The following SLC9C1 variants were observed in gnomAD, a reference collection of about 807,000 sequenced individuals.
SLC9C1 encodes sodium/hydrogen exchanger 10.
In SLC9C1, 97 loss-of-function variants were observed where a neutral mutation model predicts 140.9. The observed-to-expected ratio is 0.69, with a 90% CI of 0.58 to 0.82. The LOEUF (loss-of-function observed/expected upper bound fraction) is 0.82. Among genes scored for constraint, SLC9C1 ranks in the 40% least tolerant of loss-of-function variants. The pLI is 0.00. For synonymous variants in SLC9C1, 440 were observed against 442.6 expected, an observed-to-expected ratio of 0.99 and a Z score of 0.07; for missense variants, 1,340 against 1,389.3, an observed-to-expected ratio of 0.96 and a Z score of 0.56.
intron 15 of SLC9C1, among the ~76,000 whole-genome samples, chr3:112,210,559 C>T (rs1265138635): frequency 6.6e-6 from 1 of 152,180 alleles, no homozygotes; most frequent in African/African-American, 2.4e-5. Context: ...TGGGGAATGA[C>T]TGCTTAATGA....
intron 1 of SLC9C1, among the ~76,000 whole-genome samples, chr3:112,289,644 C>CTTAG (rs770255532): frequency 5.9e-5 from 9 of 152,188 alleles, no homozygotes; most frequent in Non-Finnish European, 1.2e-4. Context: ...CAGCTGTGAG[C>CTTAG]CTAAGGCCAG....
chr3:112,190,384 C>G (rs571653734), intron 20 of SLC9C1, among the ~76,000 whole-genome samples: 10 of 152,216 alleles, frequency 6.6e-5, no homozygotes, highest in African/African-American at 2.2e-4. Flanking sequence ...TCATAAATAG[C>G]TCTTATTATT....
intron 6 of SLC9C1, among the ~76,000 whole-genome samples, chr3:112,273,668 G>C (rs2080137954): frequency 6.6e-6 from 1 of 152,078 alleles, no homozygotes; most frequent in African/African-American, 2.4e-5. Context: ...GAGGTATACA[G>C]GGTCCCTGGT....
At chr3:112,192,139 C>G (rs2077676246) in intron 20 of SLC9C1, among the ~76,000 whole-genome samples, 2 of 151,768 alleles carry the variant, frequency 1.3e-5, no homozygotes, top group Non-Finnish European at 2.9e-5. Context: ...GGCTAAGGCT[C>G]CCTTCATTTT....
intron 10 of SLC9C1, among the ~76,000 whole-genome samples, chr3:112,257,210 G>A (rs1265060511): frequency 1.3e-5 from 2 of 151,970 alleles, no homozygotes; most frequent in Non-Finnish European, 2.9e-5. Flanking sequence ...TTTAAAATTC[G>A]TATGGAACCA....
intron 13 of SLC9C1, among the ~76,000 whole-genome samples, chr3:112,224,574 A>G (rs7432037): frequency 0.75 from 114,303 of 151,452 alleles, 43,546 homozygotes; most frequent in East Asian, 0.99. Context: ...TTATGTGAAT[A>G]AGAAACTCAA....
intron 1 of SLC9C1, among the ~76,000 whole-genome samples, chr3:112,291,438 C>A (rs2080679051): frequency 6.6e-6 from 1 of 151,738 alleles, no homozygotes; most frequent in African/African-American, 2.4e-5. Context: ...AACAACCAGC[C>A]CCATTAAAAA....
At chr3:112,165,115 A>C (rs1201945513) in intron 26 of SLC9C1, among the ~76,000 whole-genome samples, 2 of 152,038 alleles carry the variant, frequency 1.3e-5, no homozygotes, top group Non-Finnish European at 2.9e-5. Flanking sequence ...CATGGTTTTC[A>C]GCTCCCTCAG....
chr3:112,213,917 A>C (rs530448542), intron 15 of SLC9C1, among the ~76,000 whole-genome samples: 116 of 152,344 alleles, frequency 7.6e-4, no homozygotes, highest in African/African-American at 2.7e-3. Context: ...TCTTATTAGC[A>C]CCACATCACA....
intron 1 of SLC9C1, among the ~76,000 whole-genome samples, chr3:112,292,481 C>G (rs1301447200): frequency 6.6e-6 from 1 of 152,156 alleles, no homozygotes; most frequent in East Asian, 1.9e-4. Context: ...AAAATACTAA[C>G]ATTACTGTAG....
At position 112,155,536 on chromosome 3, in the gene SLC9C1, G is replaced by A. The variant is rs1025172204; in HGVS notation, c.3365-487C>T. Among the ~76,000 whole-genome samples, 4 of 152,110 alleles carry A rather than the reference G, an allele frequency of 2.6e-5. No homozygotes were observed. The East Asian group carries it at 5.8e-4, about 22-fold the overall frequency. On this transcript the variant is annotated intron_variant, in intron 26 of 28. Coordinates refer to ENST00000305815, the MANE Select transcript of SLC9C1 (RefSeq NM_183061.3). ...CACATAGCGCAGTTTTGTGAATTTG[G>A]GATGTATCAGTGATGGCTGCTTGGA...
chr3:112,192,166 A>C (rs1209762713), intron 20 of SLC9C1, among the ~76,000 whole-genome samples: 1 of 152,054 alleles, frequency 6.6e-6, no homozygotes. Context: ...TATTAAGTAC[A>C]TTCATACTGT....
intron 3 of SLC9C1, among the ~76,000 whole-genome samples, chr3:112,279,503 C>T (rs1446482516): frequency 3.3e-5 from 5 of 151,950 alleles, no homozygotes; most frequent in African/African-American, 4.8e-5. Context: ...GCAATCAAGA[C>T]GAAGAAAGAA....
chr3:112,239,405 C>T (rs1342550915), intron 12 of SLC9C1, among the ~76,000 whole-genome samples: 3 of 152,228 alleles, frequency 2.0e-5, no homozygotes, highest in African/African-American at 4.8e-5. Context: ...GCGCTTCCTG[C>T]GTGAGGCGAT....
At chr3:112,209,740 A>G (rs2078151378) in intron 15 of SLC9C1, among the ~76,000 whole-genome samples, 1 of 152,228 alleles carries the variant, frequency 6.6e-6, no homozygotes, top group South Asian at 2.1e-4. Context: ...AATTATATTT[A>G]AAATAGCACC....
intron 10 of SLC9C1, among the ~76,000 whole-genome samples, chr3:112,253,167 A>G (rs1307604920): frequency 6.6e-6 from 1 of 152,144 alleles, no homozygotes; most frequent in East Asian, 1.9e-4. Flanking sequence ...GCACTGAATG[A>G]TTACTCACCT....
chr3:112,271,072 G>C lies in SLC9C1; in HGVS notation c.614-995C>G, dbSNP rs192626501. On this transcript the variant is annotated intron_variant, in intron 6 of 28. Coordinates refer to ENST00000305815, the MANE Select transcript of SLC9C1 (RefSeq NM_183061.3). ...TGCTAAGTGAAATAAGATAGGCACA[G>C]AAAGGAAAATACCGCATGATCTTAC... is the stretch of plus-strand genomic sequence containing the variant. Among the ~76,000 whole-genome samples, 230 of 152,146 alleles carry C rather than the reference G, an allele frequency of 1.5e-3. 1 individual carries two copies. Among genetic ancestry groups the C allele is most frequent in the African/African-American group, 5.2e-3 (218 of 41,530 alleles).
chr3:112,289,781 A>T lies in SLC9C1; in HGVS notation c.-87-2903T>A, dbSNP rs576602391. On this transcript the variant is annotated intron_variant, in intron 1 of 28. Coordinates refer to ENST00000305815, the MANE Select transcript of SLC9C1 (RefSeq NM_183061.3). ...CTAAATTTTTTAATGTTACCTAAAC[A>T]TATCAAGAACTGTAGGTAGACCTGA... 2.0e-5 allele frequency among the ~76,000 whole-genome samples: 3 copies of T among 152,342 alleles called. 1 individual carries two copies. The South Asian group carries it at 6.2e-4, about 32-fold the overall frequency.
intron 12 of SLC9C1, among the ~76,000 whole-genome samples, chr3:112,238,038 A>T (rs1324923364): frequency 1.3e-5 from 2 of 152,210 alleles, no homozygotes; most frequent in Non-Finnish European, 2.9e-5. Context: ...CCTAGATAAT[A>T]TCCTGCAGAG....
Sources: allele counts gnomAD v4.1 joint callset (sites outside exome capture counted in the v4.1 genomes callset), GRCh38; gene constraint gnomAD v4.1.1; transcripts MANE v1.5; gene names NCBI Gene and HGNC (gene_info 2026-07-23, HGNC 2026-07-21).